The following EYS variants were observed in gnomAD, a reference collection of about 807,000 sequenced individuals.
EYS encodes EGF-like photoreceptor maintenance factor, also known as protein eyes shut homolog.
EYS carries 250 observed loss-of-function variants against 282.1 expected under a neutral mutation model. That is an observed-to-expected ratio of 0.89 (90% CI 0.80 to 0.98). The LOEUF (loss-of-function observed/expected upper bound fraction) is 0.98, where lower values mean the gene tolerates loss of function less well. EYS is among the 50% of genes least tolerant of loss of function. EYS has a pLI of 0.00. For synonymous variants in EYS, 1,355 were observed against 1,282.9 expected (o/e 1.06, Z -1.20); for missense variants, 4,016 against 3,709.0 (o/e 1.08, Z -2.15).
At chr6:65,157,417 C>A (rs573723193) in intron 12 of EYS, among the ~76,000 whole-genome samples, 1 of 150,586 alleles carries the variant, frequency 6.6e-6, no homozygotes, top group South Asian at 2.1e-4. Flanking sequence ...ACTTACCTAC[C>A]ACTGACATTA....
intron 1 of EYS, among the ~76,000 whole-genome samples, chr6:65,665,342 G>A (rs183470908): frequency 8.4e-4 from 127 of 152,074 alleles, no homozygotes; most frequent in Non-Finnish European, 1.6e-3. Context: ...CTTAAAGCTC[G>A]GTCTTAAGAC....
intron 1 of EYS, among the ~76,000 whole-genome samples, chr6:65,640,982 C>T (rs1026429826): frequency 1.3e-5 from 2 of 152,052 alleles, no homozygotes; most frequent in African/African-American, 4.8e-5. Context: ...TACATTTTCT[C>T]ACTCTGTCCT....
In EYS at chr6:65,577,749, T is replaced by TAA. The variant is rs147331700; in HGVS notation, c.-333+62028_-333+62029insTT. ...ATATTAATAATAATAAAAGCCTGTT[T>TAA]TAAAAAAAAAAAAAATGGACAAAAT... On this transcript the variant is annotated intron_variant, in intron 2 of 42. Transcript: ENST00000503581. 2.2e-3 allele frequency among the ~76,000 whole-genome samples: 255 copies of TAA among 114,478 alleles called. 2 individuals are homozygous for TAA. Among genetic ancestry groups the TAA allele is most frequent in the South Asian group, 8.9e-3 (31 of 3,488 alleles). 75.1% of individuals were successfully genotyped at this position (114,478 alleles called of 152,430 possible).
chr6:64,929,660 T>A (rs928932207), intron 15 of EYS, among the ~76,000 whole-genome samples: 2 of 152,196 alleles, frequency 1.3e-5, no homozygotes, highest in Admixed American at 1.3e-4. Flanking sequence ...TCCTTTTTGA[T>A]AAAATTTGAA....
intron 35 of EYS, among the ~76,000 whole-genome samples, chr6:63,968,135 T>C (rs891836472): frequency 1.3e-5 from 2 of 152,236 alleles, no homozygotes; most frequent in African/African-American, 4.8e-5. Context: ...ATGCTTTTTA[T>C]ATTTGTCTTC....
At chr6:64,053,719 TTAATA>T (rs1770890244) in intron 33 of EYS, among the ~76,000 whole-genome samples, 1 of 152,166 alleles carries the variant, frequency 6.6e-6, no homozygotes, top group Non-Finnish European at 1.5e-5. Flanking sequence ...TATTTTATCA[TTAATA>T]TAATTTAGGC....
intron 8 of EYS, among the ~76,000 whole-genome samples, chr6:65,375,810 G>A (rs1398154676): frequency 4.0e-5 from 6 of 151,892 alleles, no homozygotes; most frequent in South Asian, 2.1e-4. Context: ...GAAATAAAGC[G>A]TGAAGACAAG....
intron 5 of EYS, among the ~76,000 whole-genome samples, chr6:65,466,009 A>T (rs1056333326): frequency 9.9e-5 from 15 of 152,094 alleles, no homozygotes; most frequent in Admixed American, 9.2e-4. Context: ...AATAATAAAT[A>T]AGAGAAAGAA....
intron 7 of EYS, among the ~76,000 whole-genome samples, chr6:65,390,235 A>AT (rs1252508948): frequency 6.6e-6 from 1 of 151,652 alleles, no homozygotes; most frequent in Non-Finnish European, 1.5e-5. Context: ...CAAGAGGGAT[A>AT]CCAAAGTTAT....
At chr6:65,474,274 G>A (rs538187414) in intron 5 of EYS, among the ~76,000 whole-genome samples, 1 of 152,160 alleles carries the variant, frequency 6.6e-6, no homozygotes, top group Non-Finnish European at 1.5e-5. Context: ...AATGGTACAT[G>A]GTAGAATGCA....
chr6:64,359,192 T>A (rs1771926635), intron 29 of EYS, among the ~76,000 whole-genome samples: 1 of 151,670 alleles, frequency 6.6e-6, no homozygotes, highest in Non-Finnish European at 1.5e-5. Flanking sequence ...TAAAGAATAT[T>A]CTGTTGCCAA....
intron 30 of EYS, among the ~76,000 whole-genome samples, chr6:64,253,945 C>T (rs1767308420): frequency 6.6e-6 from 1 of 152,078 alleles, no homozygotes; most frequent in South Asian, 2.1e-4. Flanking sequence ...TAATACACCC[C>T]TTCTTATTTG....
intron 35 of EYS, among the ~76,000 whole-genome samples, chr6:63,870,985 G>T (rs969634749): frequency 6.6e-6 from 1 of 152,168 alleles, no homozygotes; most frequent in African/African-American, 2.4e-5. Context: ...TCTCTGCTCA[G>T]AGGAAGTGAC....
chr6:64,922,582 G>A (rs1265916954), intron 15 of EYS, among the ~76,000 whole-genome samples: 3 of 152,118 alleles, frequency 2.0e-5, no homozygotes, highest in Non-Finnish European at 4.4e-5. Flanking sequence ...AATAAAATGA[G>A]AGGAATCCCA....
intron 15 of EYS, among the ~76,000 whole-genome samples, chr6:64,915,788 A>G (rs1388460159): frequency 6.6e-6 from 1 of 152,160 alleles, no homozygotes; most frequent in Non-Finnish European, 1.5e-5. Context: ...TGTAGAAGAG[A>G]TATTCTTTTT....
At chr6:65,237,305 T>C (rs562264881) in intron 12 of EYS, among the ~76,000 whole-genome samples, 2 of 152,278 alleles carry the variant, frequency 1.3e-5, no homozygotes, top group South Asian at 4.1e-4. Flanking sequence ...TCATGAACAC[T>C]TAGGACACTA....
intron 32 of EYS, among the ~76,000 whole-genome samples, chr6:64,076,353 C>A (rs1240180725): frequency 6.6e-6 from 1 of 151,928 alleles, no homozygotes; most frequent in Non-Finnish European, 1.5e-5. Flanking sequence ...CTATGCAAGG[C>A]ACTAGAGGAG....
At chr6:65,412,252 T>C (rs975267927) in intron 5 of EYS, among the ~76,000 whole-genome samples, 2 of 152,142 alleles carry the variant, frequency 1.3e-5, no homozygotes, top group Admixed American at 1.3e-4. Flanking sequence ...CCACTTAATC[T>C]GTGTTAATTT....
At chr6:65,108,235 A>C (rs1775101827) in intron 12 of EYS, among the ~76,000 whole-genome samples, 1 of 152,118 alleles carries the variant, frequency 6.6e-6, no homozygotes, top group Non-Finnish European at 1.5e-5. Flanking sequence ...TATCTCTATC[A>C]CTTCTTGGTT....
Sources: allele counts gnomAD v4.1 joint callset (sites outside exome capture counted in the v4.1 genomes callset), GRCh38; gene constraint gnomAD v4.1.1; transcripts MANE v1.5; gene names NCBI Gene and HGNC (gene_info 2026-07-23, HGNC 2026-07-21).